CPAMD8: variants seen among roughly 807,000 people sequenced by gnomAD.
CPAMD8 encodes the protein C3 and PZP like alpha-2-macroglobulin domain containing 8.
In CPAMD8, 146 loss-of-function variants were observed where a neutral mutation model predicts 224.7. That is an observed-to-expected ratio of 0.65 (90% confidence interval 0.57 to 0.75). CPAMD8 has a LOEUF of 0.75. Among genes scored for constraint, CPAMD8 ranks in the 30% least tolerant of loss-of-function variants. The pLI is 0.00. For synonymous variants in CPAMD8, 966 were observed against 1,044.6 expected, an observed-to-expected ratio of 0.92 and a Z score of 1.45; for missense variants, 2,301 against 2,537.5, an observed-to-expected ratio of 0.91 and a Z score of 2.00.
intron 30 of CPAMD8, 77 bp downstream of exon 30, chr19:16,906,875 T>C: frequency 2.2e-6 from 3 of 1,361,584 alleles, no homozygotes; most frequent in East Asian, 5.0e-5. Context: ...GTGATAAATA[T>C]GTTCATGAGT....
chr19:16,904,176 A>ACCCCCCCCCCCCCCCC, intron 32 of CPAMD8, 50 bp downstream of exon 32: 9 of 937,332 alleles, frequency 9.6e-6, no homozygotes, highest in East Asian at 2.6e-5. Flanking sequence ...GACTGCAGGG[A>ACCCCCCCCCCCCCCCC]CCCCACCCAC....
At chr19:16,966,487 C>A (rs2054831775) in intron 18 of CPAMD8, among the ~76,000 whole-genome samples, 1 of 152,136 alleles carries the variant, frequency 6.6e-6, no homozygotes, top group Admixed American at 6.6e-5. Context: ...CCAAAATAGA[C>A]AAATGGGATC....
intron 3 of CPAMD8, among the ~76,000 whole-genome samples, chr19:17,016,949 C>A (rs2056829165): frequency 2.0e-5 from 3 of 151,762 alleles, no homozygotes; most frequent in African/African-American, 7.3e-5. Context: ...GGGCAGGGAC[C>A]CTCAACCCCT....
rs1026005402 is a variant in CPAMD8, at chr19:16,937,449, G to A, written c.2845+946C>T. Among the ~76,000 whole-genome samples the A allele has an allele frequency of 7.2e-5, 11 of 152,074 alleles. No individual in the cohort carries two copies. The South Asian group carries it at 2.3e-3, about 32-fold the overall frequency. On this transcript the variant is annotated intron_variant, in intron 23 of 41. Coordinates refer to ENST00000443236, the MANE Select transcript of CPAMD8 (RefSeq NM_015692.5). ...CCATTTAGGGTTCATTCTCGTGTAA[G>A]GTGTGATCTTTAGGTCCAGCCTCAT...
At chr19:16,905,580 A>G (rs1296959922) in intron 30 of CPAMD8, among the ~76,000 whole-genome samples, 5 of 150,502 alleles carry the variant, frequency 3.3e-5, no homozygotes, top group African/African-American at 4.9e-5. Context: ...AAAAAAAAAA[A>G]AAAAAAGAAA....
chr19:16,991,833 C>T (rs1043649999), intron 12 of CPAMD8, among the ~76,000 whole-genome samples: 8 of 148,282 alleles, frequency 5.4e-5, no homozygotes, highest in East Asian at 2.0e-4. Context: ...CCAGCTTGGG[C>T]GACAGAGCAA....
intron 2 of CPAMD8, among the ~76,000 whole-genome samples, chr19:17,021,011 A>G (rs2056940324): frequency 6.6e-6 from 1 of 152,162 alleles, no homozygotes; most frequent in African/African-American, 2.4e-5. Flanking sequence ...TGATTGGTTC[A>G]GGGCTGAGCA....
At chr19:16,945,479 G>C in intron 22 of CPAMD8, 70 bp downstream of exon 22, 1 of 1,572,978 alleles carries the variant, frequency 6.4e-7, no homozygotes, top group Non-Finnish European at 8.7e-7. Context: ...ACACACTCCA[G>C]CTGGGCCCAG....
chr19:16,987,152 C>CAAAAAAAAAAAAAAA (rs1214757739), intron 13 of CPAMD8, among the ~76,000 whole-genome samples: 2 of 23,014 alleles, frequency 8.7e-5, no homozygotes, highest in Non-Finnish European at 1.7e-4. Flanking sequence ...GAGACTCTGT[C>CAAAAAAAAAAAAAAA]AAAAAAAAAA....
At chr19:16,933,580 GA>G (rs1286869947) in intron 23 of CPAMD8, among the ~76,000 whole-genome samples, 1 of 152,176 alleles carries the variant, frequency 6.6e-6, no homozygotes, top group African/African-American at 2.4e-5. Context: ...ACAGGCAAAT[GA>G]AAATATGCTT....
At chr19:16,931,101 T>C (rs1280813254) in intron 23 of CPAMD8, among the ~76,000 whole-genome samples, 1 of 152,198 alleles carries the variant, frequency 6.6e-6, no homozygotes. Flanking sequence ...AGCCACTGCA[T>C]ATGGCTGCTG....
In CPAMD8 at chr19:16,985,153, T is replaced by C. The variant is rs146478987; in HGVS notation, c.1396-4467A>G. Among the ~76,000 whole-genome samples, 976 of 152,290 alleles carry C rather than the reference T, an allele frequency of 6.4e-3. 5 individuals are homozygous for C. The highest frequency in any genetic ancestry group is 0.022 in the African/African-American group (922 of 41,566). On this transcript the variant is annotated intron_variant, in intron 13 of 41. Coordinates refer to ENST00000443236, the MANE Select transcript of CPAMD8 (RefSeq NM_015692.5). ...ATTTAAGAGTGAAGCACTATCATGT[T>C]TGTAACTTGCTTTCAAATGCTGCAG...
intron 14 of CPAMD8, among the ~76,000 whole-genome samples, chr19:16,979,439 C>T (rs373866838): frequency 3.3e-5 from 2 of 61,302 alleles, no homozygotes; most frequent in African/African-American, 3.9e-4. Context: ...TCCATCCATC[C>T]ATCTATCAAT....
In CPAMD8 at chr19:16,997,304, C is replaced by T. The variant is rs780825585; in HGVS notation, c.902G>A (p.Arg301Lys). The change falls in exon 11 of 42, where the codon AGG (arginine) becomes AAG (lysine). Residue 301 changes from arginine to lysine, a missense_variant. Arg to Lys is a conservative substitution (Grantham distance 26, BLOSUM62 2). Coordinates refer to ENST00000443236, the MANE Select transcript of CPAMD8 (RefSeq NM_015692.5). ...AGGGACGTCCGCTGGGATCATGTCC[C>T]TCACGCAGATGTCGAAGTCCCGGGA... ...LGSRDFDICV[R>K]DMIPADVPEH... 8 of 1,583,400 alleles carry T rather than the reference C, an allele frequency of 5.1e-6. No homozygotes were observed. Among genetic ancestry groups the T allele is most frequent in the South Asian group, 2.3e-5 (2 of 88,688 alleles).
At chr19:17,020,853 G>A (rs2056934817) in intron 2 of CPAMD8, among the ~76,000 whole-genome samples, 1 of 152,152 alleles carries the variant, frequency 6.6e-6, no homozygotes. Context: ...TTGCCTCCCA[G>A]CAACCATTAT....
intron 26 of CPAMD8, 94 bp from the exon 27 acceptor site, chr19:16,922,080 G>T: frequency 1.3e-6 from 1 of 783,276 alleles, no homozygotes; most frequent in Non-Finnish European, 2.0e-6. Flanking sequence ...CCCTACCCCG[G>T]ATCTCCGAAG....
At chr19:16,900,751 T>C (rs1044432116) in intron 36 of CPAMD8, among the ~76,000 whole-genome samples, 1 of 151,832 alleles carries the variant, frequency 6.6e-6, no homozygotes, top group Non-Finnish European at 1.5e-5. Flanking sequence ...GTGGCTCATG[T>C]CTGTAACCCC....
At chr19:16,990,863 CAAAAAAA>C (rs3067791) in intron 12 of CPAMD8, among the ~76,000 whole-genome samples, 1,985 of 73,058 alleles carry the variant, frequency 0.027, 50 homozygotes, top group African/African-American at 0.088. Flanking sequence ...AACTCTGTCT[CAAAAAAA>C]AAAAAAAAAA....
chr19:16,946,723 A>G (rs2054111954), intron 21 of CPAMD8, among the ~76,000 whole-genome samples: 1 of 145,080 alleles, frequency 6.9e-6, no homozygotes, highest in Admixed American at 6.9e-5. Context: ...GTGTGTATGC[A>G]TGTCTACACA....
Sources: gnomAD v4.1 joint callset for allele counts (sites outside exome capture counted in the v4.1 genomes callset) on GRCh38, gnomAD v4.1.1 for gene constraint, MANE v1.5 for transcripts, NCBI Gene and HGNC (gene_info 2026-07-23, HGNC 2026-07-21) for gene names.